Variants in XDH observed in about 807,000 individuals in gnomAD.
XDH encodes xanthine dehydrogenase/oxidase.
Under a neutral mutation model 156.1 loss-of-function variants are expected in XDH, and 138 were observed. The ratio of observed to expected loss-of-function variants is 0.88; its 90% CI spans 0.77 to 1.02. The LOEUF is 1.02. Ranked by LOEUF, XDH falls within the 50% of genes least tolerant of loss-of-function variation. The probability of loss-of-function intolerance (pLI) is 0.00; values close to 1 mark genes in which losing one functional copy is unlikely to be tolerated. For missense variants in XDH, 1,849 were observed against 1,684.9 expected, an observed-to-expected ratio of 1.10 and a Z score of -1.71; for synonymous variants, 669 against 625.7, an observed-to-expected ratio of 1.07 and a Z score of -1.03.
At chr2:31,378,130 G>GA (rs1558696737) in intron 13 of XDH, among the ~76,000 whole-genome samples, 2 of 69,568 alleles carry the variant, frequency 2.9e-5, no homozygotes, top group African/African-American at 1.0e-4. Flanking sequence ...AAGGAAGGAA[G>GA]GAAGGAAGGA....
chr2:31,413,755 A>G (rs1271775461), intron 1 of XDH, among the ~76,000 whole-genome samples: 1 of 152,226 alleles, frequency 6.6e-6, no homozygotes, highest in Non-Finnish European at 1.5e-5. Flanking sequence ...ACAATGTGCA[A>G]CTATGGGACT....
chr2:31,363,572 C>CAA (rs1274929468), intron 24 of XDH, among the ~76,000 whole-genome samples: 1 of 152,096 alleles, frequency 6.6e-6, no homozygotes, highest in African/African-American at 2.4e-5. Context: ...TACTAACAAC[C>CAA]ATTAAATTAT....
At chr2:31,381,552 G>A in intron 12 of XDH, 81 bp downstream of exon 12, 1 of 1,427,514 alleles carries the variant, frequency 7.0e-7, no homozygotes, top group Non-Finnish European at 9.8e-7. Context: ...TTTGAGCTCT[G>A]TTTCTCCAGA....
intron 27 of XDH, 152 bp from the exon 28 acceptor site, chr2:31,348,515 T>C (rs1685365108): frequency 1.4e-6 from 1 of 729,136 alleles, no homozygotes; most frequent in Non-Finnish European, 2.4e-6. Context: ...AATCTCATGA[T>C]TTAATTATAT....
In XDH at chr2:31,383,112, T is replaced by G. The variant is rs1358129273; in HGVS notation, c.927A>C (p.Glu309Asp). ...FGAACPLSIV[E>D]KTLVDAVAKL... ...TAGCAACAGCATCCACCAGGGTTTT[T>G]TCCACAATGCTCAGGGGGCAAGCAG... Residue 309 changes from glutamate to aspartate, a missense_variant, in exon 11 of 36, where the codon GAA becomes GAC. Physicochemically the swap from Glu to Asp is conservative, Grantham distance 45 (BLOSUM62 2). Transcript: ENST00000379416. 1.9e-6 allele frequency: 3 copies of G among 1,614,210 alleles called. No homozygotes were observed. Among genetic ancestry groups the G allele is most frequent in the Non-Finnish European group, 2.5e-6 (3 of 1,180,028 alleles).
chr2:31,412,800 T>G (rs957677163), intron 1 of XDH, among the ~76,000 whole-genome samples: 10 of 152,210 alleles, frequency 6.6e-5, no homozygotes, highest in Admixed American at 3.9e-4. Flanking sequence ...TTTACAGCAT[T>G]GCTTTCACAT....
intron 34 of XDH, among the ~76,000 whole-genome samples, chr2:31,338,542 G>C (rs1685030241): frequency 6.6e-6 from 1 of 152,202 alleles, no homozygotes; most frequent in Non-Finnish European, 1.5e-5. Context: ...CTATGGTAAA[G>C]TAAACCACGA....
At chr2:31,341,754 A>G (rs939280167) in intron 32 of XDH, among the ~76,000 whole-genome samples, 1 of 152,210 alleles carries the variant, frequency 6.6e-6, no homozygotes, top group African/African-American at 2.4e-5. Flanking sequence ...ACTACGTTCC[A>G]TGGGCTAAAT....
At chr2:31,402,569 G>A (rs1404162510) in intron 3 of XDH, among the ~76,000 whole-genome samples, 1 of 152,140 alleles carries the variant, frequency 6.6e-6, no homozygotes, top group Non-Finnish European at 1.5e-5. Flanking sequence ...GCTAGTAAGA[G>A]TTAGTCAGAT....
At chr2:31,370,503 GC>G (rs766222815) in intron 17 of XDH, 25 bp from the exon 18 acceptor site, 61 of 1,613,572 alleles carry the variant, frequency 3.8e-5, no homozygotes, top group Non-Finnish European at 4.8e-5. Flanking sequence ...GGTGTGAGGG[GC>G]CAGGTCAGCA....
intron 29 of XDH, among the ~76,000 whole-genome samples, chr2:31,347,074 T>C (rs1685318048): frequency 6.6e-6 from 1 of 152,140 alleles, no homozygotes; most frequent in Non-Finnish European, 1.5e-5. Context: ...CTGACTCAAT[T>C]CTTAGGCTGA....
At chr2:31,343,907 T>C (rs1307175766) in intron 31 of XDH, among the ~76,000 whole-genome samples, 1 of 151,840 alleles carries the variant, frequency 6.6e-6, no homozygotes, top group African/African-American at 2.4e-5. Flanking sequence ...TATTTATGCA[T>C]CTATATATTC....
chr2:31,335,612 C>A lies in XDH; in HGVS notation c.*346G>T. On this transcript the variant is annotated 3_prime_UTR_variant, in exon 36 of 36. Transcript: ENST00000379416. The stretch of plus-strand genomic sequence containing the variant: ...GTTTGTGGGAATCCTCTTCAAAGGA[C>A]AGACACCATCAGAACTTGAGGTTAT... The A allele has an allele frequency of 2.5e-6, 1 of 405,582 alleles. No homozygotes were observed. Among genetic ancestry groups the A allele is most frequent in the South Asian group, 2.3e-5 (1 of 43,322 alleles). The allele number at this position is 405,582 out of a possible 1,614,324, so 25.1% of individuals were successfully genotyped here. A position where few individuals can be genotyped will look rare whatever the true frequency, so the allele number is the denominator to read the frequency against.
At chr2:31,381,243 G>A (rs537630647) in intron 12 of XDH, among the ~76,000 whole-genome samples, 28 of 152,220 alleles carry the variant, frequency 1.8e-4, no homozygotes, top group African/African-American at 6.3e-4. Context: ...TAATCCTCCT[G>A]CCTCAGCCTC....
At chr2:31,393,554 A>C (rs1049834485) in intron 6 of XDH, among the ~76,000 whole-genome samples, 1 of 152,042 alleles carries the variant, frequency 6.6e-6, no homozygotes, top group Middle Eastern at 3.2e-3. Flanking sequence ...GGGTCTTGTT[A>C]TTTTCATCTA....
intron 1 of XDH, among the ~76,000 whole-genome samples, chr2:31,411,408 T>G (rs1456495161): frequency 3.3e-5 from 5 of 151,976 alleles, no homozygotes; most frequent in Admixed American, 6.6e-5. Flanking sequence ...ATATTAATTA[T>G]GTACATTAAT....
chr2:31,399,800 T>G (rs1167375475), intron 4 of XDH, among the ~76,000 whole-genome samples: 3 of 152,204 alleles, frequency 2.0e-5, no homozygotes, highest in Admixed American at 6.5e-5. Context: ...TTTCACCTTC[T>G]GCCATGATTG....
rs45504294 is a variant in XDH, at chr2:31,347,279, G to A, written c.3276+243C>T. 2.8e-4 allele frequency among the ~76,000 whole-genome samples: 43 copies of A among 152,244 alleles called. 1 individual carries two copies. The East Asian group carries it at 7.5e-3, about 27-fold the overall frequency. Reference sequence around the variant, plus strand: ...ATTCCAGAAGCCTCTGCTTTCCCTCGGTATCCTCATCTCCCCATCCTGCAC... The same window carrying A: ...ATTCCAGAAGCCTCTGCTTTCCCTCAGTATCCTCATCTCCCCATCCTGCAC... On this transcript the variant is annotated intron_variant, in intron 29 of 35. Transcript: ENST00000379416.
intron 30 of XDH, 21 bp from the exon 31 acceptor site, chr2:31,344,757 T>A: frequency 1.9e-6 from 3 of 1,613,966 alleles, no homozygotes; most frequent in Non-Finnish European, 2.5e-6. Context: ...GAGATGGCCA[T>A]CAGGCAGGTG....
Sources: gnomAD v4.1 joint callset for allele counts (sites outside exome capture counted in the v4.1 genomes callset) on GRCh38, gnomAD v4.1.1 for gene constraint, MANE v1.5 for transcripts, NCBI Gene and HGNC (gene_info 2026-07-23, HGNC 2026-07-21) for gene names.